The following SZT2 variants were observed in gnomAD, a reference collection of about 807,000 sequenced individuals.
The protein encoded by SZT2 is KICSTOR complex protein SZT2.
A neutral mutation model predicts 404.2 loss-of-function variants in SZT2; 216 were observed. The ratio of observed to expected loss-of-function variants is 0.53; its 90% CI spans 0.48 to 0.60. The LOEUF is 0.60. SZT2 is among the 20% of genes least tolerant of loss of function. The pLI, the probability that SZT2 is intolerant of heterozygous loss-of-function variation, is 0.00. For synonymous variants in SZT2, 1,693 were observed against 1,749.9 expected (o/e 0.97, Z 0.81); for missense variants, 3,857 against 4,459.2 (o/e 0.86, Z 3.85).
chr1:43,442,409 G>A lies in SZT2; in HGVS notation c.7975-33G>A, dbSNP rs748547043. On this transcript the variant is annotated intron_variant, in intron 57 of 71. Transcript: ENST00000634258. The surrounding 1 kb of genome is among the most constrained non-coding windows in gnomAD (Gnocchi z 4.5). ...GGGACTGGGTGGGAAGAGGGGTTCC[G>A]TGATCTCACTGACCCTGACCCCCGA... is the stretch of plus-strand genomic sequence containing the variant. 54 of 1,612,228 alleles carry A rather than the reference G, an allele frequency of 3.3e-5. No homozygotes were observed. The East Asian group carries it at 5.1e-4, about 15-fold the overall frequency.
chr1:43,394,928 A>C (rs1315247408), intron 1 of SZT2, among the ~76,000 whole-genome samples: 3 of 152,134 alleles, frequency 2.0e-5, no homozygotes, highest in Non-Finnish European at 4.4e-5. Context: ...TTGACTTTGA[A>C]GGATCATATG....
At chr1:43,438,072 T>C (rs142870488) in intron 46 of SZT2, 170 bp downstream of exon 46, 2 of 655,104 alleles carry the variant, frequency 3.1e-6, no homozygotes, top group African/African-American at 1.8e-5. Context: ...CCAGACCCTC[T>C]GGGACTTCTC....
chr1:43,453,101 C>A lies in SZT2; in HGVS notation c.*2621C>A. ...TGCTCCCACAGCTTCCTGGAATAGG[C>A]CTGTCCTCAAATGCATCACTGTATA... On this transcript the variant is annotated 3_prime_UTR_variant, in exon 72 of 72. Coordinates refer to ENST00000634258, the MANE Select transcript of SZT2 (RefSeq NM_001365999.1). 2.6e-6 allele frequency: 2 copies of A among 777,456 alleles called. No individual in the cohort carries two copies. Among genetic ancestry groups the A allele is most frequent in the Non-Finnish European group, 4.5e-6 (2 of 443,764 alleles). The allele number at this position is 777,456 out of a possible 1,614,324, so 48.2% of individuals were successfully genotyped here.
Position 43,424,206 on chromosome 1 carries a change from C to G in SZT2, c.2256-11C>G. On this transcript the variant is annotated splice_polypyrimidine_tract_variant and intron_variant, in intron 15 of 71. Transcript: ENST00000634258. This position sits in a 1 kb window ranked among gnomAD's most constrained non-coding sequence, Gnocchi z 4.1. ...TGAGAGAGATAGCTGGGGAGTTGTC[C>G]CATTTCCTAGGTATGAGAAGCTGCC... The G allele has an allele frequency of 6.3e-7, 1 of 1,595,306 alleles. No homozygotes were observed. Among genetic ancestry groups the G allele is most frequent in the Non-Finnish European group, 8.5e-7 (1 of 1,178,060 alleles).
intron 15 of SZT2, 37 bp downstream of exon 15, chr1:43,423,353 G>A: frequency 2.0e-6 from 3 of 1,507,168 alleles, no homozygotes; most frequent in Non-Finnish European, 2.6e-6. Flanking sequence ...GGCTTAGCAG[G>A]GTATGAGTGG....
intron 5 of SZT2, among the ~76,000 whole-genome samples, chr1:43,415,750 G>A (rs1386233193): frequency 6.6e-6 from 1 of 152,228 alleles, no homozygotes; most frequent in Non-Finnish European, 1.5e-5. Flanking sequence ...TTCATCTGAT[G>A]CCGAACTCCC....
Position 43,429,711 on chromosome 1 carries a change from C to T in SZT2, c.4175C>T (p.Thr1392Ile). ...TTACCCCAACCATTCAGCATAGAGA[C>T]CGAGGACCTAAGCGAGCCTGAGTTT... ...AILASESSIE[T>I]EDLSEPEFQS... The change falls in exon 29 of 72, where the codon ACC becomes ATC. Residue 1392 changes from threonine to isoleucine, a missense_variant. By Grantham distance (89) the Thr-to-Ile change is moderately conservative. Around this residue, in one of 7 missense-constraint regions of SZT2, gnomAD observed 1,725 missense variants for 1,881.0 expected, o/e 0.92. Transcript: ENST00000634258. 6.2e-7 allele frequency: 1 copy of T among 1,614,176 alleles called. No individual in the cohort carries two copies. Among genetic ancestry groups the T allele is most frequent in the Non-Finnish European group, 8.5e-7 (1 of 1,180,036 alleles).
rs1157008614 is a variant in SZT2 at position 43,397,423 on chromosome 1, T to TCTCTCCATC, written c.28-5754_28-5753insCTCTCCATC. 1.2e-3 allele frequency among the ~76,000 whole-genome samples: 178 copies of TCTCTCCATC among 150,106 alleles called. No individual in the cohort carries two copies. In the East Asian group the frequency reaches 0.023, roughly 19 times the overall value. On this transcript the variant is annotated intron_variant, in intron 1 of 71. Transcript: ENST00000634258. ...CCTGGGTGACAGAGCGAGACTCCAT[T>TCTCTCCATC]TCAAAAAAAAAAAAAGAAAAGAAAC...
Position 43,420,110 on chromosome 1 carries a change from C to G in SZT2, c.1091-43C>G. The G allele has an allele frequency of 6.3e-7, 1 of 1,591,502 alleles. No homozygotes were observed. Among genetic ancestry groups the G allele is most frequent in the Non-Finnish European group, 8.5e-7 (1 of 1,175,632 alleles). ...TTCCCCCTACAGATCTGTCAGTTGG[C>G]AGATAACCAGTTTCTCCTTCCCCAT... On this transcript the variant is annotated intron_variant, in intron 8 of 71. Transcript: ENST00000634258. This position sits in a 1 kb window ranked among gnomAD's most constrained non-coding sequence, Gnocchi z 5.1.
In SZT2 at chr1:43,425,466, T is replaced by C. The variant is rs2153933056; in HGVS notation, c.2646-8T>C. On this transcript the variant is annotated splice_region_variant and splice_polypyrimidine_tract_variant and intron_variant, in intron 18 of 71. Coordinates refer to ENST00000634258, the MANE Select transcript of SZT2 (RefSeq NM_001365999.1). This position sits in a 1 kb window ranked among gnomAD's most constrained non-coding sequence, Gnocchi z 4.3. ...TGTGCATTGGACTCAGAGCCCTTCC[T>C]CCTTTAGCTTCTCGACAGATGATGA... is the stretch of plus-strand genomic sequence containing the variant. 1 of 1,614,046 alleles carries C rather than the reference T, an allele frequency of 6.2e-7. No homozygotes were observed. The highest frequency in any genetic ancestry group is 2.2e-5 in the East Asian group (1 of 44,874).
At chr1:43,414,037 T>C (rs1344230045) in intron 4 of SZT2, among the ~76,000 whole-genome samples, 3 of 152,070 alleles carry the variant, frequency 2.0e-5, no homozygotes, top group East Asian at 3.9e-4. Flanking sequence ...ATCCCAGCAC[T>C]TTGGGAGGCT....
chr1:43,421,443 A>G, intron 11 of SZT2, 140 bp downstream of exon 11: 1 of 1,226,950 alleles, frequency 8.2e-7, no homozygotes, highest in Non-Finnish European at 1.1e-6. Flanking sequence ...TTTAACCTTG[A>G]GAGCTTCTCT....
chr1:43,397,938 G>A (rs1007488748), intron 1 of SZT2, among the ~76,000 whole-genome samples: 3 of 152,184 alleles, frequency 2.0e-5, no homozygotes, highest in African/African-American at 7.2e-5. Flanking sequence ...GTCATGGAAA[G>A]GTTCATTTAT....
chr1:43,394,726 A>C (rs1023682842), intron 1 of SZT2, among the ~76,000 whole-genome samples: 3 of 152,110 alleles, frequency 2.0e-5, no homozygotes, highest in African/African-American at 7.2e-5. Flanking sequence ...CAAAAATACA[A>C]AATTAGCCGG....
At position 43,450,047 on chromosome 1, in the gene SZT2, G is replaced by A; in HGVS notation, c.10087-56G>A. 1 of 1,607,896 alleles carries A rather than the reference G, an allele frequency of 6.2e-7. No individual in the cohort carries two copies. Among genetic ancestry groups the A allele is most frequent in the Non-Finnish European group, 8.5e-7 (1 of 1,174,418 alleles). ...TCTCCTCATCCTCCCTTCACCTCAG[G>A]ATGCCCTGTGGGAGGGTCTGTAGGG... On this transcript the variant is annotated intron_variant, in intron 70 of 71. Coordinates refer to ENST00000634258, the MANE Select transcript of SZT2 (RefSeq NM_001365999.1). The surrounding 1 kb of genome is among the most constrained non-coding windows in gnomAD (Gnocchi z 4.3).
At chr1:43,445,694 C>G in intron 62 of SZT2, 200 bp from the exon 63 acceptor site, 1 of 627,200 alleles carries the variant, frequency 1.6e-6, no homozygotes. Flanking sequence ...TCCCTTGAAG[C>G]AGCAGCTGCT....
Position 43,438,985 on chromosome 1 carries a change from C to A in SZT2, c.6684C>A (p.Thr2228=), listed in dbSNP as rs1019432948. 6.2e-7 allele frequency: 1 copy of A among 1,614,206 alleles called. No individual in the cohort carries two copies. Among genetic ancestry groups the A allele is most frequent in the Admixed American group, 1.7e-5 (1 of 60,030 alleles). ...AGGTGCTGCATCTGGCCCTACCCACCTCCTGCAGGCCCTGGCTTCCAGCCC... is the reference window on the plus strand; with the variant it reads ...AGGTGCTGCATCTGGCCCTACCCACATCCTGCAGGCCCTGGCTTCCAGCCC... ...PSEVLHLALP[T]SCRPWLPALA... Residue 2228 remains threonine, a synonymous_variant, in exon 48 of 72, where the codon ACC becomes ACA. Transcript: ENST00000634258.
chr1:43,423,426 G>A, intron 15 of SZT2, 110 bp downstream of exon 15: 7 of 1,107,934 alleles, frequency 6.3e-6, no homozygotes, highest in Non-Finnish European at 8.7e-6. Context: ...GGAGTGCGTG[G>A]CTTAGTGGGG....
At chr1:43,410,909 G>C (rs981285646) in intron 4 of SZT2, among the ~76,000 whole-genome samples, 9 of 151,784 alleles carry the variant, frequency 5.9e-5, no homozygotes, top group Non-Finnish European at 8.8e-5. Context: ...TTGGGGGTTG[G>C]GGGGGGATCT....
Sources: gnomAD v4.1 joint callset for allele counts (sites outside exome capture counted in the v4.1 genomes callset) on GRCh38, gnomAD v4.1.1 for gene constraint, gnomAD v4.1.1 regional missense constraint, Gnocchi (gnomAD v3.1) non-coding constraint, MANE v1.5 for transcripts, NCBI Gene and HGNC (gene_info 2026-07-23, HGNC 2026-07-21) for gene names.